The following ANKRD17 variants were observed in gnomAD, a reference collection of about 807,000 sequenced individuals.
The protein encoded by ANKRD17 is ankyrin repeat domain-containing protein 17.
A neutral mutation model predicts 229.7 loss-of-function variants in ANKRD17; 19 were observed. The ratio of observed to expected loss-of-function variants is 0.08; its 90% CI spans 0.06 to 0.12. The LOEUF (loss-of-function observed/expected upper bound fraction) is 0.12. ANKRD17 is among the 10% of genes least tolerant of loss of function. ANKRD17 has a pLI of 1.00. For missense variants in ANKRD17, 2,176 were observed against 3,176.8 expected (o/e 0.68, Z 7.57); for synonymous variants, 1,112 against 1,146.1 (o/e 0.97, Z 0.60).
At chr4:73,133,713 A>G (rs952773091) in intron 16 of ANKRD17, among the ~76,000 whole-genome samples, 6 of 151,772 alleles carry the variant, frequency 4.0e-5, no homozygotes, top group African/African-American at 1.5e-4. Context: ...TTTTTTTTAA[A>G]AGGCTATGTA....
chr4:73,146,833 T>C lies in ANKRD17; in HGVS notation c.1800A>G (p.Ala600=), dbSNP rs1261224467. 3 of 1,613,018 alleles carry C rather than the reference T, an allele frequency of 1.9e-6. No homozygotes were observed. The highest frequency in any genetic ancestry group is 1.7e-6 in the Non-Finnish European group (2 of 1,179,312). The change falls in exon 10 of 34, where the codon GCA becomes GCG. Residue 600 remains alanine, a synonymous_variant. Coordinates refer to ENST00000358602, the MANE Select transcript of ANKRD17 (RefSeq NM_032217.5). ...VHATTATGDT[A]LTYACENGHT... is the part of the protein sequence containing the mutation. Reference sequence around the variant, plus strand: ...GACCATTTTCACAGGCATATGTTAGTGCTGTATCCCCTGTTGCTGTTGTTG... The same window carrying C: ...GACCATTTTCACAGGCATATGTTAGCGCTGTATCCCCTGTTGCTGTTGTTG...
At position 73,078,174 on chromosome 4, in the gene ANKRD17, C is replaced by A. The variant is rs557133711; in HGVS notation, c.7408+468G>T. Among the ~76,000 whole-genome samples the A allele has an allele frequency of 1.5e-3, 223 of 152,134 alleles. 1 individual carries two copies. The highest frequency in any genetic ancestry group is 1.2e-3 in the Non-Finnish European group (84 of 67,976). ...CGGGCGGATCACAAGGTCAGGAGAT[C>A]GTGACCATCCTGGCTAACACGGTGA... On this transcript the variant is annotated intron_variant, in intron 31 of 33. Transcript: ENST00000358602.
At chr4:73,184,101 G>GT (rs1408120343) in intron 1 of ANKRD17, among the ~76,000 whole-genome samples, 5 of 152,102 alleles carry the variant, frequency 3.3e-5, no homozygotes, top group Non-Finnish European at 5.9e-5. Context: ...GTAATGCGGG[G>GT]TCATTTGGAC....
chr4:73,169,656 GA>G (rs1252022815), intron 2 of ANKRD17, among the ~76,000 whole-genome samples: 3 of 152,086 alleles, frequency 2.0e-5, no homozygotes, highest in African/African-American at 7.2e-5. Flanking sequence ...TCGCATTGCT[GA>G]AATAGGCATT....
At chr4:73,103,587 TG>T (rs1159004961) in intron 24 of ANKRD17, among the ~76,000 whole-genome samples, 2 of 152,210 alleles carry the variant, frequency 1.3e-5, no homozygotes, top group African/African-American at 4.8e-5. Context: ...ATCTAAAAGA[TG>T]TTTTTTAAAA....
Position 73,148,861 on chromosome 4 carries a change from C to T in ANKRD17, c.1519G>A (p.Ala507Thr). The change falls in exon 8 of 34, where the codon GCA (alanine) becomes ACA (threonine). Residue 507 changes from alanine to threonine, a missense_variant. Physicochemically the swap from Ala to Thr is moderately conservative, Grantham distance 58. Transcript: ENST00000358602. ...NDEGYTPLME[A>T]AREGHEEMVA... ...ATTTCTTCATGTCCTTCTCGAGCTG[C>T]TTCCATCAATGGTGTATAACCTTCA... The T allele has an allele frequency of 6.2e-7, 1 of 1,614,034 alleles. No homozygotes were observed.
chr4:73,248,686 G>GT (rs1294890006), intron 1 of ANKRD17, among the ~76,000 whole-genome samples: 2 of 151,906 alleles, frequency 1.3e-5, no homozygotes, highest in African/African-American at 4.8e-5. Context: ...TTCAATGTAT[G>GT]TAAGTTTTAC....
intron 1 of ANKRD17, among the ~76,000 whole-genome samples, chr4:73,204,259 G>A (rs1739124502): frequency 6.6e-6 from 1 of 150,798 alleles, no homozygotes; most frequent in Non-Finnish European, 1.5e-5. Flanking sequence ...TACTCAAGAG[G>A]CTGAGGCGGG....
In ANKRD17 at chr4:73,155,539, G is replaced by A. The variant is rs1281166723; in HGVS notation, c.1000+92C>T. ...ATGTAGCACTTCTAATAAGAGAACT[G>A]AAAAATTAGCACTAAACATCACTTT... On this transcript the variant is annotated intron_variant, in intron 5 of 33. Coordinates refer to ENST00000358602, the MANE Select transcript of ANKRD17 (RefSeq NM_032217.5). 3 of 1,451,758 alleles carry A rather than the reference G, an allele frequency of 2.1e-6. No homozygotes were observed. In the Admixed American group the frequency reaches 5.7e-5, roughly 27 times the overall value. The allele number at this position is 1,451,758 out of a possible 1,614,324, so 89.9% of individuals were successfully genotyped here. A position where few individuals can be genotyped will look rare whatever the true frequency, so the allele number is the denominator to read the frequency against.
In ANKRD17 at chr4:73,139,742, C is replaced by T. The variant is rs754363547; in HGVS notation, c.2874G>A (p.Met958Ile). ...CTGCCGCCAGAGGCAAAGCTTGAGG[C>T]ATCGCCAGAGGCTGGATTGGCGCAA... ...MGFAPIQPLA[M>I]PQALPLAAGP... Residue 958 changes from methionine (M) to isoleucine (I), a missense_variant, in exon 15 of 34, where the codon ATG becomes ATA. Around this residue, in one of 18 missense-constraint regions of ANKRD17, gnomAD observed 230 missense variants for 252.3 expected, o/e 0.91. Coordinates refer to ENST00000358602, the MANE Select transcript of ANKRD17 (RefSeq NM_032217.5). The T allele has an allele frequency of 3.7e-6, 6 of 1,614,164 alleles. No homozygotes were observed. In the East Asian group the frequency reaches 6.7e-5, roughly 18 times the overall value.
intron 1 of ANKRD17, chr4:73,223,135 G>A: frequency 8.2e-7 from 1 of 1,220,898 alleles, no homozygotes; most frequent in South Asian, 1.4e-5. Flanking sequence ...TCTATTACAT[G>A]CCTAAAGCAG....
chr4:73,175,039 C>T (rs905227127), intron 2 of ANKRD17, among the ~76,000 whole-genome samples: 3 of 152,186 alleles, frequency 2.0e-5, no homozygotes, highest in African/African-American at 7.2e-5. Context: ...TATCAAAATA[C>T]TAATGACATT....
chr4:73,165,623 A>C (rs760781235), intron 2 of ANKRD17, among the ~76,000 whole-genome samples: 15 of 152,232 alleles, frequency 9.9e-5, no homozygotes, highest in Non-Finnish European at 2.2e-4. Flanking sequence ...TTTTACTCCC[A>C]AAATTAAGTT....
chr4:73,229,376 C>T lies in ANKRD17; in HGVS notation c.393+28900G>A, dbSNP rs868366261. Among the ~76,000 whole-genome samples, 12 of 152,132 alleles carry T rather than the reference C, an allele frequency of 7.9e-5. No homozygotes were observed. The Middle Eastern group carries it at 0.01, about 129-fold the overall frequency. ...GACAGTGAGTGAGACTGCCTGCTTC[C>T]CTACAAATATAAAGTGTTACTGACA... On this transcript the variant is annotated intron_variant, in intron 1 of 33. Coordinates refer to ENST00000358602, the MANE Select transcript of ANKRD17 (RefSeq NM_032217.5).
At chr4:73,092,822 G>A (rs546593321) in intron 28 of ANKRD17, among the ~76,000 whole-genome samples, 2 of 152,260 alleles carry the variant, frequency 1.3e-5, no homozygotes, top group East Asian at 1.9e-4. Flanking sequence ...AAATTCATTA[G>A]TAGTTTGTCT....
Position 73,078,811 on chromosome 4 carries a change from C to T in ANKRD17, c.7239G>A (p.Lys2413=), listed in dbSNP as rs147494982. The T allele has an allele frequency of 9.4e-5, 152 of 1,614,096 alleles. No individual in the cohort carries two copies. The African/African-American group carries it at 1.5e-3, about 16-fold the overall frequency. The part of the protein sequence containing the change: ...APSSVPLGSE[K]PSNVSQDRKV... ...TCCTGTCCTGAGACACATTGCTGGG[C>T]TTTTCTGACCCTAACGGTACTGATG... is the stretch of plus-strand genomic sequence containing the variant. Residue 2413 remains lysine (K), a synonymous_variant, in exon 31 of 34, where the codon AAG becomes AAA. Transcript: ENST00000358602.
chr4:73,111,207 C>T (rs550822019), intron 24 of ANKRD17, among the ~76,000 whole-genome samples: 139 of 152,148 alleles, frequency 9.1e-4, no homozygotes, highest in Non-Finnish European at 1.7e-3. Flanking sequence ...AAATTAGGCA[C>T]AATGAAAGAT....
chr4:73,100,739 C>T, intron 25 of ANKRD17: 1 of 608,076 alleles, frequency 1.6e-6, no homozygotes, highest in Non-Finnish European at 2.1e-6. Flanking sequence ...ATGTAGGTGA[C>T]ATAGAGGTAT....
intron 30 of ANKRD17, among the ~76,000 whole-genome samples, chr4:73,080,362 G>A (rs757999308): frequency 6.6e-6 from 1 of 151,858 alleles, no homozygotes; most frequent in African/African-American, 2.4e-5. Context: ...ATGATATGAA[G>A]GAACAGCATA....
Sources: gnomAD v4.1 joint callset for allele counts (sites outside exome capture counted in the v4.1 genomes callset) on GRCh38, gnomAD v4.1.1 for gene constraint, gnomAD v4.1.1 regional missense constraint, MANE v1.5 for transcripts, NCBI Gene and HGNC (gene_info 2026-07-23, HGNC 2026-07-21) for gene names.